The following NAV3 variants were observed in gnomAD, a reference collection of about 807,000 sequenced individuals.
The protein encoded by NAV3 is pore membrane and/or filament interacting like protein 1.
A neutral mutation model predicts 244.7 loss-of-function variants in NAV3; 87 were observed. The observed-to-expected ratio is 0.36, with a 90% CI of 0.30 to 0.42. The LOEUF (loss-of-function observed/expected upper bound fraction) is 0.42. Ranked by LOEUF, NAV3 falls within the 20% of genes least tolerant of loss-of-function variation. The probability of loss-of-function intolerance (pLI) is 1.00; values close to 1 mark genes in which losing one functional copy is unlikely to be tolerated. For synonymous variants in NAV3, 1,126 were observed against 1,042.2 expected (o/e 1.08, Z -1.55); for missense variants, 2,663 against 2,893.3 (o/e 0.92, Z 1.83).
intron 13 of NAV3, 102 bp from the exon 14 acceptor site, chr12:78,117,925 T>A: frequency 8.8e-7 from 1 of 1,130,714 alleles, no homozygotes; most frequent in South Asian, 2.4e-5. Context: ...CAAAATAGAA[T>A]CTTTGGATTT....
chr12:78,058,609 A>G (rs1566074276), intron 11 of NAV3, among the ~76,000 whole-genome samples: 1 of 152,182 alleles, frequency 6.6e-6, no homozygotes. Context: ...GTTTTGATCC[A>G]TTACTCCTAT....
chr12:78,053,668 A>G (rs1883089546), intron 11 of NAV3, among the ~76,000 whole-genome samples: 1 of 152,190 alleles, frequency 6.6e-6, no homozygotes, highest in Non-Finnish European at 1.5e-5. Flanking sequence ...CACAATTCTC[A>G]GCATAAAAAC....
At chr12:78,172,085 G>A (rs1304364952) in intron 24 of NAV3, among the ~76,000 whole-genome samples, 2 of 151,572 alleles carry the variant, frequency 1.3e-5, no homozygotes, top group Non-Finnish European at 3.0e-5. Context: ...ACAATCCACT[G>A]CAAAAATAAT....
chr12:77,866,517 G>A (rs1297343997), intron 1 of NAV3, among the ~76,000 whole-genome samples: 1 of 152,046 alleles, frequency 6.6e-6, no homozygotes, highest in Non-Finnish European at 1.5e-5. Flanking sequence ...CCCACATCAA[G>A]ACTAAACCAA....
intron 24 of NAV3, 23 bp from the exon 25 acceptor site, chr12:78,175,283 T>C: frequency 6.2e-7 from 1 of 1,608,578 alleles, no homozygotes; most frequent in Non-Finnish European, 8.5e-7. Flanking sequence ...TGAGCCGATG[T>C]GATACTCTCC....
intron 2 of NAV3, among the ~76,000 whole-genome samples, chr12:77,809,210 C>T (rs1360669560): frequency 6.6e-6 from 1 of 152,318 alleles, no homozygotes; most frequent in African/African-American, 2.4e-5. Context: ...TTCCAGGTGT[C>T]ACTGGGTTAT....
At chr12:77,710,651 C>G (rs1027023403) in intron 2 of NAV3, among the ~76,000 whole-genome samples, 2 of 152,092 alleles carry the variant, frequency 1.3e-5, no homozygotes, top group African/African-American at 2.4e-5. Context: ...AATGATGTGA[C>G]TTTTTGAGAA....
intron 9 of NAV3, among the ~76,000 whole-genome samples, chr12:78,038,743 T>A (rs1465813587): frequency 6.6e-6 from 1 of 152,192 alleles, no homozygotes; most frequent in East Asian, 1.9e-4. Flanking sequence ...AGCTTTTTCT[T>A]TTTTGGATCC....
chr12:77,728,185 G>C (rs1396858715), intron 2 of NAV3, among the ~76,000 whole-genome samples: 1 of 151,896 alleles, frequency 6.6e-6, no homozygotes, highest in Non-Finnish European at 1.5e-5. Flanking sequence ...GCTCACTCCA[G>C]TCCTGTTAGG....
intron 12 of NAV3, among the ~76,000 whole-genome samples, chr12:78,104,753 T>C (rs1292844881): frequency 6.6e-6 from 1 of 152,192 alleles, no homozygotes; most frequent in Non-Finnish European, 1.5e-5. Flanking sequence ...ATGCAACTGC[T>C]ACCACAGTCT....
intron 2 of NAV3, among the ~76,000 whole-genome samples, chr12:77,599,091 A>C (rs1870304522): frequency 6.6e-6 from 1 of 151,924 alleles, no homozygotes; most frequent in Non-Finnish European, 1.5e-5. Flanking sequence ...TGTAATTTAG[A>C]TACCTCATGT....
chr12:77,968,504 T>A lies in NAV3; in HGVS notation c.488-15T>A. Reference sequence around the variant, plus strand: ...ATACATATGATTCTTTTTTTGTATTTTTCATTTCATACAGAAATAAGAAAT... The same window carrying A: ...ATACATATGATTCTTTTTTTGTATTATTCATTTCATACAGAAATAAGAAAT... On this transcript the variant is annotated splice_polypyrimidine_tract_variant and intron_variant, in intron 4 of 39. Coordinates refer to ENST00000397909, the MANE Select transcript of NAV3 (RefSeq NM_001024383.2). The A allele has an allele frequency of 6.3e-7, 1 of 1,597,252 alleles. No individual in the cohort carries two copies. The highest frequency in any genetic ancestry group is 8.6e-7 in the Non-Finnish European group (1 of 1,167,334).
intron 2 of NAV3, among the ~76,000 whole-genome samples, chr12:77,786,285 A>G (rs768044035): frequency 2.6e-5 from 4 of 152,084 alleles, no homozygotes; most frequent in Non-Finnish European, 5.9e-5. Context: ...CACTGATATT[A>G]TTTGTTTTTT....
At chr12:78,066,710 A>G (rs970069338) in intron 12 of NAV3, among the ~76,000 whole-genome samples, 3 of 152,104 alleles carry the variant, frequency 2.0e-5, no homozygotes, top group Non-Finnish European at 4.4e-5. Flanking sequence ...TATTGAAAGT[A>G]TAAAAGCATA....
At chr12:77,901,321 T>C (rs1207555248) in intron 1 of NAV3, among the ~76,000 whole-genome samples, 1 of 152,208 alleles carries the variant, frequency 6.6e-6, no homozygotes, top group Non-Finnish European at 1.5e-5. Flanking sequence ...AAAACTGTAT[T>C]TCCTAAATTT....
intron 2 of NAV3, among the ~76,000 whole-genome samples, chr12:77,651,875 G>A (rs974674887): frequency 1.3e-5 from 2 of 152,138 alleles, no homozygotes; most frequent in African/African-American, 4.8e-5. Flanking sequence ...CTGGGCTTGC[G>A]AATCTAATTT....
At chr12:78,062,567 C>CT (rs1401050063) in intron 12 of NAV3, among the ~76,000 whole-genome samples, 1 of 152,018 alleles carries the variant, frequency 6.6e-6, no homozygotes, top group Non-Finnish European at 1.5e-5. Context: ...GCTCCATGAG[C>CT]TTTTTTATCA....
At chr12:77,903,937 A>G (rs959236697) in intron 1 of NAV3, among the ~76,000 whole-genome samples, 1 of 152,178 alleles carries the variant, frequency 6.6e-6, no homozygotes, top group African/African-American at 2.4e-5. Context: ...AATCAAAACC[A>G]CAATGAGATA....
At chr12:77,613,461 T>G (rs956476534) in intron 2 of NAV3, among the ~76,000 whole-genome samples, 2 of 152,086 alleles carry the variant, frequency 1.3e-5, no homozygotes, top group Non-Finnish European at 2.9e-5. Flanking sequence ...TAAACAGCCT[T>G]TTTACATGAA....
Sources: gnomAD v4.1 joint callset for allele counts (sites outside exome capture counted in the v4.1 genomes callset) on GRCh38, gnomAD v4.1.1 for gene constraint, MANE v1.5 for transcripts, NCBI Gene and HGNC (gene_info 2026-07-23, HGNC 2026-07-21) for gene names.